RAB3B: variants seen among roughly 807,000 people sequenced by gnomAD.
The protein encoded by RAB3B is RAB3B, member RAS oncogene family.
RAB3B carries 11 observed loss-of-function variants against 20.5 expected under a neutral mutation model. That is an observed-to-expected ratio of 0.54 (90% CI 0.34 to 0.89). The LOEUF is 0.89. Among genes scored for constraint, RAB3B ranks in the 40% least tolerant of loss-of-function variants. The pLI, the probability that RAB3B is intolerant of heterozygous loss-of-function variation, is 0.02. For synonymous variants in RAB3B, 99 were observed against 106.3 expected, an observed-to-expected ratio of 0.93 and a Z score of 0.42; for missense variants, 225 against 280.9, an observed-to-expected ratio of 0.80 and a Z score of 1.42.
rs546318471 is a variant in RAB3B at position 51,912,380 on chromosome 1, T to C, written c.*7547A>G. The C allele has an allele frequency of 1.3e-5, 2 of 149,784 alleles. No individual in the cohort carries two copies. The highest frequency in any genetic ancestry group is 3.9e-4 in the East Asian group (2 of 5,138). 9.3% of individuals were successfully genotyped at this position (149,784 alleles called of 1,614,324 possible). On this transcript the variant is annotated 3_prime_UTR_variant, in exon 5 of 5. Coordinates refer to ENST00000371655, the MANE Select transcript of RAB3B (RefSeq NM_002867.4). ...TTTTTGTGTGAAGTAAACCTCAGTGTTACTGAGCCGTTCATTTATTTAGAT... is the reference window on the plus strand; with the variant it reads ...TTTTTGTGTGAAGTAAACCTCAGTGCTACTGAGCCGTTCATTTATTTAGAT...
chr1:51,916,348 A>G lies in RAB3B; in HGVS notation c.*3579T>C, dbSNP rs1183947412. 6.6e-6 allele frequency: 1 copy of G among 152,224 alleles called. No individual in the cohort carries two copies. The highest frequency in any genetic ancestry group is 1.5e-5 in the Non-Finnish European group (1 of 68,034). 9.4% of individuals were successfully genotyped at this position (152,224 alleles called of 1,614,324 possible). On this transcript the variant is annotated 3_prime_UTR_variant, in exon 5 of 5. Coordinates refer to ENST00000371655, the MANE Select transcript of RAB3B (RefSeq NM_002867.4). ...GAATTTGACAGTTTTAAAGAAAACG[A>G]TTTCATCTTTGCCTGGATATTCAGT...
chr1:51,946,418 A>G (rs765743502), intron 2 of RAB3B, among the ~76,000 whole-genome samples: 2 of 152,210 alleles, frequency 1.3e-5, no homozygotes, highest in Non-Finnish European at 2.9e-5. Context: ...CAGAAATAGA[A>G]TCACAGAGGA....
At chr1:51,989,570 C>CTTG in intron 1 of RAB3B, among the ~76,000 whole-genome samples, 1 of 151,800 alleles carries the variant, frequency 6.6e-6, no homozygotes, top group Non-Finnish European at 1.5e-5. Flanking sequence ...CCCAGCGCCC[C>CTTG]ACCACCCTAT....
intron 2 of RAB3B, among the ~76,000 whole-genome samples, chr1:51,955,876 C>G (rs1684700839): frequency 6.6e-6 from 1 of 152,114 alleles, no homozygotes; most frequent in South Asian, 2.1e-4. Flanking sequence ...CAGGAGTTGG[C>G]CCAAGTCACC....
chr1:51,947,035 T>C (rs1684574714), intron 2 of RAB3B, among the ~76,000 whole-genome samples: 1 of 152,168 alleles, frequency 6.6e-6, no homozygotes. Context: ...AGTTGATATA[T>C]GAATTAACTG....
chr1:51,984,481 C>T (rs1244144279), intron 1 of RAB3B, among the ~76,000 whole-genome samples: 1 of 147,330 alleles, frequency 6.8e-6, no homozygotes, highest in Non-Finnish European at 1.5e-5. Flanking sequence ...ACCTCCAACT[C>T]CTGGGTTCAA....
intron 2 of RAB3B, among the ~76,000 whole-genome samples, chr1:51,941,645 T>A (rs1353799429): frequency 6.6e-6 from 1 of 152,216 alleles, no homozygotes; most frequent in Admixed American, 6.5e-5. Context: ...GCAATTCAGC[T>A]CTGGCCCAGA....
At chr1:51,933,285 G>A in intron 4 of RAB3B, 33 bp downstream of exon 4, 1 of 1,606,596 alleles carries the variant, frequency 6.2e-7, no homozygotes, top group Non-Finnish European at 8.5e-7. Flanking sequence ...GTGTACAAAT[G>A]CACACATGCA....
At chr1:51,945,935 T>C (rs1356229029) in intron 2 of RAB3B, among the ~76,000 whole-genome samples, 1 of 152,238 alleles carries the variant, frequency 6.6e-6, no homozygotes, top group Non-Finnish European at 1.5e-5. Context: ...TTCAGTTTCC[T>C]CACATCTGGA....
chr1:51,990,109 AC>A (rs1424331617), intron 1 of RAB3B, among the ~76,000 whole-genome samples: 1 of 22,252 alleles, frequency 4.5e-5, no homozygotes, highest in Non-Finnish European at 8.4e-5. Flanking sequence ...CTCCCCCCGC[AC>A]CCCCGCTCTA....
intron 1 of RAB3B, among the ~76,000 whole-genome samples, chr1:51,981,221 G>A (rs139022689): frequency 1.3e-5 from 2 of 152,214 alleles, no homozygotes; most frequent in Non-Finnish European, 2.9e-5. Flanking sequence ...TGTAGAGATG[G>A]GGTTTCACCA....
At chr1:51,920,191 A>G in intron 4 of RAB3B, 77 bp from the exon 5 acceptor site, 1 of 1,320,358 alleles carries the variant, frequency 7.6e-7, no homozygotes, top group Non-Finnish European at 1.0e-6. Flanking sequence ...CAGCCCAAGC[A>G]CTCTGGATTA....
intron 2 of RAB3B, chr1:51,973,617 G>T (rs1684966102): frequency 6.6e-6 from 1 of 152,098 alleles, no homozygotes; most frequent in Non-Finnish European, 1.5e-5. Context: ...ATGCTCACTT[G>T]GATTCACTAT....
In RAB3B at chr1:51,950,949, A is replaced by T. The variant is rs937414229; in HGVS notation, c.229-13537T>A. Among the ~76,000 whole-genome samples the T allele has an allele frequency of 4.6e-5, 7 of 152,348 alleles. 1 individual carries two copies. The South Asian group carries it at 1.4e-3, about 32-fold the overall frequency. Reference sequence around the variant, plus strand: ...GAGAGCTCTTTAGGAAGGAAAGAGCAGTTCAATAGAGCTTGGGAGACACAG... The same window carrying T: ...GAGAGCTCTTTAGGAAGGAAAGAGCTGTTCAATAGAGCTTGGGAGACACAG... On this transcript the variant is annotated intron_variant, in intron 2 of 4. Transcript: ENST00000371655.
Position 51,911,420 on chromosome 1 carries a change from T to G in RAB3B, c.*8507A>C, listed in dbSNP as rs781566068. The G allele has an allele frequency of 6.6e-6, 1 of 152,170 alleles. No homozygotes were observed. Among genetic ancestry groups the G allele is most frequent in the Non-Finnish European group, 1.5e-5 (1 of 68,042 alleles). The allele number at this position is 152,170 out of a possible 1,614,324, so 9.4% of individuals were successfully genotyped here. A position where few individuals can be genotyped will look rare whatever the true frequency, so the allele number is the denominator to read the frequency against. On this transcript the variant is annotated 3_prime_UTR_variant, in exon 5 of 5. Coordinates refer to ENST00000371655, the MANE Select transcript of RAB3B (RefSeq NM_002867.4). ...TTTGTTTGTTTGTTTGTTTTAGAAT[T>G]TCTGTGCTTTGGAGCTAGAAGGATA...
intron 4 of RAB3B, among the ~76,000 whole-genome samples, chr1:51,929,519 G>A (rs1244961509): frequency 4.6e-5 from 7 of 152,074 alleles, no homozygotes; most frequent in Non-Finnish European, 1.0e-4. Flanking sequence ...TCACCATGTT[G>A]ACCAGGTTGG....
intron 1 of RAB3B, among the ~76,000 whole-genome samples, chr1:51,982,023 G>A (rs892709416): frequency 2.6e-5 from 4 of 152,044 alleles, no homozygotes; most frequent in African/African-American, 9.7e-5. Flanking sequence ...CAGTAAAACA[G>A]CCTCAGGCAG....
At chr1:51,945,045 C>T (rs116296913) in intron 2 of RAB3B, among the ~76,000 whole-genome samples, 22 of 152,298 alleles carry the variant, frequency 1.4e-4, no homozygotes, top group African/African-American at 5.1e-4. Flanking sequence ...CACAGCCACC[C>T]CAGTCTTCAG....
At chr1:51,953,208 T>C (rs573642248) in intron 2 of RAB3B, among the ~76,000 whole-genome samples, 2 of 152,126 alleles carry the variant, frequency 1.3e-5, no homozygotes, top group Non-Finnish European at 2.9e-5. Context: ...CATCACTCTT[T>C]TTGCCTCCAA....
Sources: gnomAD v4.1 joint callset for allele counts (sites outside exome capture counted in the v4.1 genomes callset) on GRCh38, gnomAD v4.1.1 for gene constraint, MANE v1.5 for transcripts, NCBI Gene and HGNC (gene_info 2026-07-23, HGNC 2026-07-21) for gene names.